Variants in PLA2G4D observed in about 807,000 individuals in gnomAD.
PLA2G4D encodes the protein cytosolic phospholipase A2 delta.
In PLA2G4D, 80 loss-of-function variants were observed where a neutral mutation model predicts 94.4. The ratio of observed to expected loss-of-function variants is 0.85; its 90% CI spans 0.71 to 1.02. The LOEUF is 1.02. Among genes scored for constraint, PLA2G4D ranks in the 50% least tolerant of loss-of-function variants. PLA2G4D has a pLI of 0.00. For synonymous variants in PLA2G4D, 438 were observed against 440.9 expected (o/e 0.99, Z 0.08); for missense variants, 1,050 against 1,034.7 (o/e 1.01, Z -0.20).
chr15:42,089,263 C>T (rs999282013), intron 1 of PLA2G4D, among the ~76,000 whole-genome samples: 6 of 152,156 alleles, frequency 3.9e-5, no homozygotes, highest in Non-Finnish European at 8.8e-5. Flanking sequence ...CCCACAAGGA[C>T]TCGTACCCGC....
At position 42,081,555 on chromosome 15, in the gene PLA2G4D, A is replaced by G; in HGVS notation, c.881T>C (p.Leu294Pro). Residue 294 changes from leucine (L) to proline (P), a missense_variant, in exon 11 of 20, where the codon CTG (leucine) becomes CCG (proline). Coordinates refer to ENST00000290472, the MANE Select transcript of PLA2G4D (RefSeq NM_178034.4). The part of the protein sequence containing the change: ...FNLCAEEQAF[L>P]SRRKQVVAKA... Reference sequence around the variant, plus strand: ...GGCCACCACCTGCTTCCTCCTGCTCAGGAAGGCCTGCTCCTCTGCACAGAG... The same window carrying G: ...GGCCACCACCTGCTTCCTCCTGCTCGGGAAGGCCTGCTCCTCTGCACAGAG... 6.2e-7 allele frequency: 1 copy of G among 1,614,170 alleles called. No individual in the cohort carries two copies. The highest frequency in any genetic ancestry group is 1.7e-5 in the Admixed American group (1 of 60,026).
At chr15:42,073,095 C>G (rs1436748595) in intron 13 of PLA2G4D, among the ~76,000 whole-genome samples, 1 of 152,198 alleles carries the variant, frequency 6.6e-6, no homozygotes, top group Non-Finnish European at 1.5e-5. Context: ...CTCCACCTCC[C>G]AGGCCCAAGT....
At chr15:42,086,804 T>A (rs4923927) in intron 3 of PLA2G4D, among the ~76,000 whole-genome samples, 1 of 152,072 alleles carries the variant, frequency 6.6e-6, no homozygotes, top group Non-Finnish European at 1.5e-5. Context: ...GTGAGCCCAG[T>A]TCGCGCCATT....
chr15:42,088,142 G>A (rs1890187421), intron 1 of PLA2G4D, among the ~76,000 whole-genome samples: 1 of 152,204 alleles, frequency 6.6e-6, no homozygotes, highest in Non-Finnish European at 1.5e-5. Context: ...CCTTCCGGAC[G>A]GGAAGCAGGC....
In PLA2G4D at chr15:42,083,267, C is replaced by T. The variant is rs1890076705; in HGVS notation, c.603G>A (p.Leu201=). 1 of 1,614,120 alleles carries T rather than the reference C, an allele frequency of 6.2e-7. No homozygotes were observed. The highest frequency in any genetic ancestry group is 8.5e-7 in the Non-Finnish European group (1 of 1,179,996). Residue 201 remains leucine (L), a synonymous_variant, in exon 8 of 20, where the codon CTG becomes CTA. Coordinates refer to ENST00000290472, the MANE Select transcript of PLA2G4D (RefSeq NM_178034.4). ...GGAAGCGGAAGGCAGAGGCTGTGCC[C>T]AGGAAGGATGTCTGTGTGTCCTCAT... ...GSYEDTQTSF[L]GTASAFRFHY...
intron 13 of PLA2G4D, among the ~76,000 whole-genome samples, chr15:42,072,886 T>A (rs139969314): frequency 2.7e-4 from 41 of 152,332 alleles, no homozygotes; most frequent in African/African-American, 9.9e-4. Flanking sequence ...CTGACATCCT[T>A]GCCTCCCCCT....
chr15:42,081,935 T>C (rs1890047243), intron 9 of PLA2G4D, 101 bp from the exon 10 acceptor site: 3 of 1,405,744 alleles, frequency 2.1e-6, no homozygotes, highest in East Asian at 4.6e-5. Context: ...TTCTTTTTTT[T>C]TTTTTTTTTT....
In PLA2G4D at chr15:42,072,816, G is replaced by T. The variant is rs143897447; in HGVS notation, c.1318-424C>A. Among the ~76,000 whole-genome samples the T allele has an allele frequency of 4.7e-4, 71 of 152,268 alleles. No individual in the cohort carries two copies. In the East Asian group the frequency reaches 0.014, roughly 29 times the overall value. On this transcript the variant is annotated intron_variant, in intron 13 of 19. Coordinates refer to ENST00000290472, the MANE Select transcript of PLA2G4D (RefSeq NM_178034.4). ...TGCAACCTATGCCAGGGGATGGACT[G>T]CCCCCTCTTCTAGGTTCACCTTAAT...
chr15:42,094,156 G>A (rs1014422220), intron 1 of PLA2G4D, among the ~76,000 whole-genome samples: 1 of 152,124 alleles, frequency 6.6e-6, no homozygotes, highest in Non-Finnish European at 1.5e-5. Flanking sequence ...ATGATGGTGG[G>A]GGAGAGGTCC....
Position 42,068,956 on chromosome 15 carries a change from G to A in PLA2G4D, c.2231-15C>T. 1 of 1,601,930 alleles carries A rather than the reference G, an allele frequency of 6.2e-7. No homozygotes were observed. The highest frequency in any genetic ancestry group is 8.5e-7 in the Non-Finnish European group (1 of 1,175,626). ...GCGCTGGACACCTGCCCAGGGGTAG[G>A]AGGGGTGTCAGGAGCAGGACGCCGG... is the stretch of plus-strand genomic sequence containing the variant. On this transcript the variant is annotated splice_polypyrimidine_tract_variant and intron_variant, in intron 19 of 19. Transcript: ENST00000290472.
rs1212874086 is a variant in PLA2G4D at position 42,081,515 on chromosome 15, C to T, written c.921G>A (p.Gln307=). The T allele has an allele frequency of 5.0e-6, 8 of 1,614,120 alleles. No individual in the cohort carries two copies. The highest frequency in any genetic ancestry group is 6.8e-6 in the Non-Finnish European group (8 of 1,180,046). Residue 307 remains glutamine, a synonymous_variant, in exon 11 of 20, where the codon CAG becomes CAA. Coordinates refer to ENST00000290472, the MANE Select transcript of PLA2G4D (RefSeq NM_178034.4). ...GCAGGTCTCTGTCCAGCTGCAGGGC[C>T]TGCTTCAGGGCCTTGGCCACCACCT... ...RKQVVAKALK[Q]ALQLDRDLQE... is the part of the protein sequence containing the mutation.
intron 13 of PLA2G4D, 39 bp downstream of exon 13, chr15:42,079,498 T>G (rs1230972284): frequency 1.9e-6 from 3 of 1,546,698 alleles, no homozygotes; most frequent in South Asian, 2.4e-5. Context: ...GCCCCCGCGG[T>G]GCACACACGC....
At chr15:42,070,934 C>T in intron 17 of PLA2G4D, 51 bp from the exon 18 acceptor site, 1 of 1,579,818 alleles carries the variant, frequency 6.3e-7, no homozygotes, top group Non-Finnish European at 8.6e-7. Flanking sequence ...CACAGGTCAT[C>T]CATGTCCCCT....
In PLA2G4D at chr15:42,071,768, C is replaced by G; in HGVS notation, c.1573+6G>C. 2 of 1,613,962 alleles carry G rather than the reference C, an allele frequency of 1.2e-6. No homozygotes were observed. Among genetic ancestry groups the G allele is most frequent in the Non-Finnish European group, 1.7e-6 (2 of 1,179,956 alleles). ...TGCCCAGGGCCTTCAGAGCCACCAC[C>G]CTCACCTTCCAGAAAGCAGATCCGG... On this transcript the variant is annotated splice_donor_region_variant and intron_variant, in intron 15 of 19. Transcript: ENST00000290472.
chr15:42,071,166 C>A lies in PLA2G4D; in HGVS notation c.1833G>T (p.Leu611=). The A allele has an allele frequency of 6.2e-7, 1 of 1,613,058 alleles. No individual in the cohort carries two copies. Residue 611 remains leucine, a synonymous_variant, in exon 17 of 20, where the codon CTG becomes CTT. Coordinates refer to ENST00000290472, the MANE Select transcript of PLA2G4D (RefSeq NM_178034.4). ...RSPNFLQGLQ[L]HQDYCSHKDF... ...CTTTGTGGCTACAGTAGTCCTGGTG[C>A]AGCTGGAGGCCCTGGAGGAAGTTGG...
At chr15:42,077,608 G>C (rs1595593168) in intron 13 of PLA2G4D, among the ~76,000 whole-genome samples, 1 of 152,340 alleles carries the variant, frequency 6.6e-6, no homozygotes, top group African/African-American at 2.4e-5. Context: ...TCTTAGTAAA[G>C]TTTGTGTCTT....
chr15:42,083,952 G>A (rs968559955), intron 6 of PLA2G4D, 173 bp from the exon 7 acceptor site: 6 of 622,628 alleles, frequency 9.6e-6, no homozygotes, highest in Admixed American at 2.6e-5. Flanking sequence ...CCTCTGCCGC[G>A]GCTGAACCTG....
At chr15:42,085,183 C>G in intron 5 of PLA2G4D, 45 bp from the exon 6 acceptor site, 1 of 1,610,792 alleles carries the variant, frequency 6.2e-7, no homozygotes, top group Non-Finnish European at 8.5e-7. Flanking sequence ...CCTGCATTGA[C>G]CTCCCGCTCC....
chr15:42,091,997 A>T (rs574030458), intron 1 of PLA2G4D, among the ~76,000 whole-genome samples: 13 of 152,276 alleles, frequency 8.5e-5, no homozygotes, highest in Middle Eastern at 3.4e-3. Flanking sequence ...ACAGCCAGAC[A>T]TTCAGGGCCA....
Sources: gnomAD v4.1 joint callset for allele counts (sites outside exome capture counted in the v4.1 genomes callset) on GRCh38, gnomAD v4.1.1 for gene constraint, MANE v1.5 for transcripts, NCBI Gene and HGNC (gene_info 2026-07-23, HGNC 2026-07-21) for gene names.